Variants in KCNK2 observed in about 807,000 individuals in gnomAD.
KCNK2 encodes the protein potassium channel subfamily K member 2.
KCNK2 carries 21 observed loss-of-function variants against 40.5 expected under a neutral mutation model. That is an observed-to-expected ratio of 0.52 (90% CI 0.37 to 0.75). The LOEUF is 0.75. Among genes scored for constraint, KCNK2 ranks in the 30% least tolerant of loss-of-function variants. The pLI is 0.00. For synonymous variants in KCNK2, 191 were observed against 202.2 expected, an observed-to-expected ratio of 0.94 and a Z score of 0.47; for missense variants, 399 against 531.6, an observed-to-expected ratio of 0.75 and a Z score of 2.45.
At chr1:215,088,618 G>A (rs938260259) in intron 2 of KCNK2, among the ~76,000 whole-genome samples, 2 of 151,508 alleles carry the variant, frequency 1.3e-5, no homozygotes, top group African/African-American at 4.8e-5. Flanking sequence ...GGACAACACT[G>A]GAAGAAATTA....
chr1:215,083,194 T>TCCCCCCCCGCCC lies in KCNK2; in HGVS notation c.-184_-183insGCCCCCCCCCCC. The stretch of plus-strand genomic sequence containing the variant: ...CCCGCGATTTCGTTTCTTCTCACGC[T>TCCCCCCCCGCCC]CCCCCCCCCGCCCCCTCCCGCGTCC... On this transcript the variant is annotated 5_prime_UTR_variant, in exon 1 of 7. Coordinates refer to ENST00000444842, the MANE Select transcript of KCNK2 (RefSeq NM_001017425.3). The TCCCCCCCCGCCC allele has an allele frequency of 2.0e-6, 1 of 501,814 alleles. No individual in the cohort carries two copies. Among genetic ancestry groups the TCCCCCCCCGCCC allele is most frequent in the Non-Finnish European group, 3.3e-6 (1 of 301,554 alleles). The allele number at this position is 501,814 out of a possible 1,614,324, so 31.1% of individuals were successfully genotyped here.
intron 1 of KCNK2, among the ~76,000 whole-genome samples, chr1:215,058,590 G>T (rs1658248227): frequency 6.6e-6 from 1 of 152,082 alleles, no homozygotes; most frequent in South Asian, 2.1e-4. Context: ...TTTCTTCAAA[G>T]ATAAAGTAAT....
chr1:215,028,467 A>G (rs918680484), intron 1 of KCNK2, among the ~76,000 whole-genome samples: 1 of 152,172 alleles, frequency 6.6e-6, no homozygotes, highest in African/African-American at 2.4e-5. Flanking sequence ...TTATTATTAT[A>G]TTTTACAAGA....
At chr1:215,227,881 A>T (rs948936796) in intron 6 of KCNK2, among the ~76,000 whole-genome samples, 5 of 152,122 alleles carry the variant, frequency 3.3e-5, no homozygotes, top group Non-Finnish European at 5.9e-5. Flanking sequence ...TGTAAGATTC[A>T]GTAAGAGGAG....
In KCNK2 at chr1:215,106,600, G is replaced by A. The variant is rs1029067446; in HGVS notation, c.358-18033G>A. ...AAGCTCTTTAGTTTAATTATGGCAC[G>A]CTTGTCAATTTTTGTTTTTGATGCA... On this transcript the variant is annotated intron_variant, in intron 2 of 6. Transcript: ENST00000444842. Among the ~76,000 whole-genome samples, 5 of 152,034 alleles carry A rather than the reference G, an allele frequency of 3.3e-5. No individual in the cohort carries two copies. The South Asian group carries it at 8.3e-4, about 25-fold the overall frequency.
At chr1:215,217,973 A>G (rs1666024067) in intron 6 of KCNK2, among the ~76,000 whole-genome samples, 1 of 152,208 alleles carries the variant, frequency 6.6e-6, no homozygotes, top group Admixed American at 6.5e-5. Flanking sequence ...GATGATAGAC[A>G]TGAACCAGTA....
At chr1:215,175,109 A>T in intron 5 of KCNK2, among the ~76,000 whole-genome samples, 1 of 152,196 alleles carries the variant, frequency 6.6e-6, no homozygotes, top group East Asian at 1.9e-4. Context: ...TGGGTTTGTC[A>T]TAAATAGCTG....
intron 2 of KCNK2, among the ~76,000 whole-genome samples, chr1:215,123,934 GTAC>G (rs1435590741): frequency 6.6e-6 from 1 of 152,104 alleles, no homozygotes; most frequent in African/African-American, 2.4e-5. Flanking sequence ...CTTTCTCTTA[GTAC>G]TACTCAACAT....
At chr1:215,091,444 C>T (rs1309789648) in intron 2 of KCNK2, among the ~76,000 whole-genome samples, 1 of 152,166 alleles carries the variant, frequency 6.6e-6, no homozygotes, top group African/African-American at 2.4e-5. Context: ...AATAAATAAA[C>T]ATGCCTTCTC....
intron 1 of KCNK2, among the ~76,000 whole-genome samples, chr1:215,074,704 T>C (rs1332211201): frequency 6.6e-6 from 1 of 152,234 alleles, no homozygotes; most frequent in Admixed American, 6.5e-5. Flanking sequence ...TTGCCTAGTA[T>C]TGGCACACTT....
chr1:215,165,831 A>G (rs1429471803), intron 3 of KCNK2, among the ~76,000 whole-genome samples: 1 of 152,044 alleles, frequency 6.6e-6, no homozygotes, highest in African/African-American at 2.4e-5. Context: ...GAAGTATGTA[A>G]TAACAATATG....
intron 3 of KCNK2, among the ~76,000 whole-genome samples, chr1:215,139,846 T>C (rs1662095386): frequency 1.3e-5 from 2 of 152,148 alleles, no homozygotes; most frequent in Non-Finnish European, 2.9e-5. Context: ...AGTATATATA[T>C]AGATTGGTCT....
chr1:215,093,436 A>T (rs1659785210), intron 2 of KCNK2, among the ~76,000 whole-genome samples: 1 of 128,738 alleles, frequency 7.8e-6, no homozygotes, highest in Admixed American at 9.5e-5. Flanking sequence ...ATGTACATAT[A>T]ATATACATAT....
At chr1:215,159,350 A>G (rs1026351283) in intron 3 of KCNK2, among the ~76,000 whole-genome samples, 5 of 152,092 alleles carry the variant, frequency 3.3e-5, no homozygotes, top group Non-Finnish European at 5.9e-5. Flanking sequence ...CGCAGAGCAT[A>G]TAGGAACTTC....
intron 2 of KCNK2, among the ~76,000 whole-genome samples, chr1:215,122,977 C>T (rs939635648): frequency 2.6e-5 from 4 of 151,928 alleles, no homozygotes; most frequent in African/African-American, 9.6e-5. Flanking sequence ...ATCTCCTGAC[C>T]TCGTGATCCA....
chr1:215,152,229 G>T (rs1426868224), intron 3 of KCNK2, among the ~76,000 whole-genome samples: 1 of 151,976 alleles, frequency 6.6e-6, no homozygotes, highest in Non-Finnish European at 1.5e-5. Flanking sequence ...TGAGTAGATA[G>T]AACATTTTAG....
upstream of KCNK2, among the ~76,000 whole-genome samples, chr1:215,080,507 C>G (rs1206773221): frequency 1.3e-5 from 2 of 152,030 alleles, no homozygotes; most frequent in African/African-American, 4.8e-5. Flanking sequence ...GGAGGGAGAC[C>G]AGGTGAATAT....
At chr1:215,227,927 C>A in intron 6 of KCNK2, among the ~76,000 whole-genome samples, 1 of 148,942 alleles carries the variant, frequency 6.7e-6, no homozygotes, top group Non-Finnish European at 1.5e-5. Context: ...CCTTAGGAAA[C>A]TTAGTGGTAC....
intron 6 of KCNK2, among the ~76,000 whole-genome samples, chr1:215,211,357 C>T (rs1483583304): frequency 3.3e-5 from 5 of 152,184 alleles, no homozygotes; most frequent in African/African-American, 1.2e-4. Context: ...CCTGGCTCAC[C>T]TCCCAACATC....
Sources: allele counts gnomAD v4.1 joint callset (sites outside exome capture counted in the v4.1 genomes callset), GRCh38; gene constraint gnomAD v4.1.1; transcripts MANE v1.5; gene names NCBI Gene and HGNC (gene_info 2026-07-23, HGNC 2026-07-21).